The following GRIK4 variants were observed in gnomAD, a reference collection of about 807,000 sequenced individuals.
GRIK4 encodes the protein glutamate receptor ionotropic, kainate 4.
A neutral mutation model predicts 104.9 loss-of-function variants in GRIK4; 40 were observed. The observed-to-expected ratio is 0.38, with a 90% CI of 0.30 to 0.50. The LOEUF is 0.50. GRIK4 is among the 20% of genes least tolerant of loss of function. The pLI is 0.93. For missense variants in GRIK4, 1,047 were observed against 1,308.1 expected, an observed-to-expected ratio of 0.80 and a Z score of 3.08; for synonymous variants, 485 against 524.9, an observed-to-expected ratio of 0.92 and a Z score of 1.04.
chr11:120,598,741 C>T (rs994731743), intron 1 of GRIK4, among the ~76,000 whole-genome samples: 11 of 152,236 alleles, frequency 7.2e-5, no homozygotes, highest in African/African-American at 2.7e-4. Context: ...ACACATTCTC[C>T]ATGTCCATGT....
At chr11:120,517,483 G>T (rs979361305) in intron 1 of GRIK4, among the ~76,000 whole-genome samples, 1 of 148,640 alleles carries the variant, frequency 6.7e-6, no homozygotes. Flanking sequence ...TGAGGCAAAC[G>T]GTGCCCCCGC....
rs1020734208 is a variant in GRIK4 at position 120,535,174 on chromosome 11, C to G, written c.-159+23287C>G. 3.3e-5 allele frequency among the ~76,000 whole-genome samples: 5 copies of G among 152,108 alleles called. No individual in the cohort carries two copies. In the East Asian group the frequency reaches 9.6e-4, roughly 29 times the overall value. On this transcript the variant is annotated intron_variant, in intron 1 of 20. Transcript: ENST00000527524. Reference sequence around the variant, plus strand: ...GGTGTGTACGGCCCACTCTTGTGAGCCTGTCTGAGCAGGCTCCAGCACACC... The same window carrying G: ...GGTGTGTACGGCCCACTCTTGTGAGGCTGTCTGAGCAGGCTCCAGCACACC...
At chr11:120,980,843 GT>G (rs1223975042) in intron 19 of GRIK4, among the ~76,000 whole-genome samples, 4 of 152,144 alleles carry the variant, frequency 2.6e-5, no homozygotes, top group African/African-American at 9.7e-5. Context: ...ACTGCACTGT[GT>G]TATTTTAAAA....
In GRIK4 at chr11:120,985,940, A is replaced by G. The variant is rs1288647613; in HGVS notation, c.2551A>G (p.Ser851Gly). ...CCAGGAGATGGTGACCGAGCTGCGC[A>G]GCATTATCCTGTGTCAGGACAGTAT... ...VCQEMVTELRSIILCQDSIHP... is the reference protein window; with the variant it reads ...VCQEMVTELRGIILCQDSIHP... Residue 851 changes from serine to glycine, a missense_variant, in exon 21 of 21, where the codon AGC becomes GGC. Around this residue, in one of 3 missense-constraint regions of GRIK4, gnomAD observed 440 missense variants for 652.3 expected, o/e 0.67. Coordinates refer to ENST00000527524, the MANE Select transcript of GRIK4 (RefSeq NM_014619.5). 6.5e-7 allele frequency: 1 copy of G among 1,550,370 alleles called. No homozygotes were observed. The highest frequency in any genetic ancestry group is 8.7e-7 in the Non-Finnish European group (1 of 1,146,938).
At chr11:120,620,037 A>G in intron 1 of GRIK4, 1 of 613,688 alleles carries the variant, frequency 1.6e-6, no homozygotes, top group Middle Eastern at 3.3e-4. Context: ...ACCTGTGTGT[A>G]AAATACGTGC....
At chr11:120,814,478 T>C (rs999360106) in intron 4 of GRIK4, among the ~76,000 whole-genome samples, 4 of 152,148 alleles carry the variant, frequency 2.6e-5, no homozygotes, top group African/African-American at 9.7e-5. Context: ...TGGGTGCCTG[T>C]AATCCCAGTT....
intron 1 of GRIK4, among the ~76,000 whole-genome samples, chr11:120,601,634 T>G (rs1268585266): frequency 1.4e-5 from 2 of 144,200 alleles, no homozygotes; most frequent in African/African-American, 5.2e-5. Flanking sequence ...GTTCTGTTGT[T>G]GTTGTGTGTG....
At position 120,986,129 on chromosome 11, in the gene GRIK4, C is replaced by G; in HGVS notation, c.2740C>G (p.Arg914Gly). Residue 914 changes from arginine (R) to glycine (G), a missense_variant, in exon 21 of 21, where the codon CGC (arginine) becomes GGC (glycine). Physicochemically the swap from Arg to Gly is moderately radical, Grantham distance 125 (BLOSUM62 -2). Around this residue, in one of 3 missense-constraint regions of GRIK4, gnomAD observed 160 missense variants for 140.9 expected, o/e 1.14. Coordinates refer to ENST00000527524, the MANE Select transcript of GRIK4 (RefSeq NM_014619.5). ...RLAQEAALVA[R>G]GCTHIRVCPE... ...GGCGCAGGAGGCCGCCCTGGTGGCC[C>G]GCGGCTGCACGCACATCCGCGTCTG... 6.6e-7 allele frequency: 1 copy of G among 1,521,954 alleles called. No homozygotes were observed. Among genetic ancestry groups the G allele is most frequent in the Non-Finnish European group, 8.7e-7 (1 of 1,143,500 alleles). The allele number at this position is 1,521,954 out of a possible 1,614,324, so 94.3% of individuals were successfully genotyped here. A position where few individuals can be genotyped will look rare whatever the true frequency, so the allele number is the denominator to read the frequency against.
At chr11:120,541,593 A>G (rs1948037164) in intron 1 of GRIK4, among the ~76,000 whole-genome samples, 1 of 152,046 alleles carries the variant, frequency 6.6e-6, no homozygotes, top group Non-Finnish European at 1.5e-5. Context: ...TCCTGGGCTC[A>G]AGTGATCTCT....
intron 1 of GRIK4, among the ~76,000 whole-genome samples, chr11:120,605,293 A>G (rs1312770460): frequency 6.6e-6 from 1 of 152,224 alleles, no homozygotes; most frequent in Non-Finnish European, 1.5e-5. Flanking sequence ...CTCATGCAAT[A>G]AAGTGTTTGA....
chr11:120,866,218 G>A (rs538248734), intron 9 of GRIK4, among the ~76,000 whole-genome samples: 2 of 152,274 alleles, frequency 1.3e-5, no homozygotes, highest in Admixed American at 6.5e-5. Context: ...ATCCGGATGC[G>A]CCATGCAGGA....
rs950817302 is a variant in GRIK4, at chr11:120,555,224, T to C, written c.-159+43337T>C. On this transcript the variant is annotated intron_variant, in intron 1 of 20. Coordinates refer to ENST00000527524, the MANE Select transcript of GRIK4 (RefSeq NM_014619.5). This position sits in a 1 kb window ranked among gnomAD's most constrained non-coding sequence, Gnocchi z 5.3. ...AGGCGGCATGCCCCAGAGAGCCCTA[T>C]GCTTTTTGCTGGCTGTCCAAAAGCA... is the stretch of plus-strand genomic sequence containing the variant. Among the ~76,000 whole-genome samples the C allele has an allele frequency of 6.6e-6, 1 of 152,228 alleles. No individual in the cohort carries two copies. The highest frequency in any genetic ancestry group is 1.5e-5 in the Non-Finnish European group (1 of 68,038).
intron 2 of GRIK4, among the ~76,000 whole-genome samples, chr11:120,658,798 C>G (rs1299933572): frequency 2.4e-5 from 3 of 123,492 alleles, no homozygotes; most frequent in Non-Finnish European, 4.8e-5. Context: ...CCCCAGGCTG[C>G]AGTGCAGTGG....
intron 2 of GRIK4, among the ~76,000 whole-genome samples, chr11:120,656,711 A>G (rs1949715934): frequency 6.6e-6 from 1 of 152,172 alleles, no homozygotes; most frequent in South Asian, 2.1e-4. Context: ...AAAATTAGCC[A>G]GGCTTGGTGG....
chr11:120,674,815 C>A (rs535412253), intron 3 of GRIK4, among the ~76,000 whole-genome samples: 1 of 152,236 alleles, frequency 6.6e-6, no homozygotes, highest in Admixed American at 6.5e-5. Context: ...TGTTATGGAG[C>A]TGCTCCAAGG....
intron 3 of GRIK4, among the ~76,000 whole-genome samples, chr11:120,675,851 C>T (rs1950091717): frequency 2.0e-5 from 3 of 152,134 alleles, no homozygotes; most frequent in African/African-American, 7.2e-5. Context: ...ATCGATAGTT[C>T]TACCATAATT....
At chr11:120,963,963 ATGTT>A (rs1389483451) in intron 18 of GRIK4, among the ~76,000 whole-genome samples, 1 of 139,820 alleles carries the variant, frequency 7.2e-6, no homozygotes, top group African/African-American at 2.7e-5. Context: ...ATGGTTTCCT[ATGTT>A]TTTATTTATT....
chr11:120,946,398 T>G (rs536056259), intron 14 of GRIK4, among the ~76,000 whole-genome samples: 1 of 152,228 alleles, frequency 6.6e-6, no homozygotes, highest in Non-Finnish European at 1.5e-5. Context: ...CAGTGGCGCA[T>G]GCCTGTAATC....
chr11:120,553,638 C>T (rs1227392503), intron 1 of GRIK4, among the ~76,000 whole-genome samples: 2 of 152,160 alleles, frequency 1.3e-5, no homozygotes, highest in South Asian at 2.1e-4. Flanking sequence ...ATTTGGAACT[C>T]GCAAACTGCA....
Sources: gnomAD v4.1 joint callset for allele counts (sites outside exome capture counted in the v4.1 genomes callset) on GRCh38, gnomAD v4.1.1 for gene constraint, gnomAD v4.1.1 regional missense constraint, Gnocchi (gnomAD v3.1) non-coding constraint, MANE v1.5 for transcripts, NCBI Gene and HGNC (gene_info 2026-07-23, HGNC 2026-07-21) for gene names.